The following EIF2AK3 variants were observed in gnomAD, a reference collection of about 807,000 sequenced individuals.
The protein encoded by EIF2AK3 is eukaryotic translation initiation factor 2-alpha kinase 3.
In EIF2AK3, 50 loss-of-function variants were observed where a neutral mutation model predicts 113.5. The observed-to-expected ratio is 0.44, with a 90% confidence interval of 0.35 to 0.56. The LOEUF is 0.56. Among genes scored for constraint, EIF2AK3 ranks in the 20% least tolerant of loss-of-function variants. EIF2AK3 has a pLI of 0.00. For missense variants in EIF2AK3, 1,185 were observed against 1,378.0 expected, an observed-to-expected ratio of 0.86 and a Z score of 2.22; for synonymous variants, 448 against 495.4, an observed-to-expected ratio of 0.90 and a Z score of 1.27.
chr2:88,557,464 A>G lies in EIF2AK3; in HGVS notation c.*272T>C, dbSNP rs1311088313. On this transcript the variant is annotated 3_prime_UTR_variant, in exon 17 of 17. Coordinates refer to ENST00000303236, the MANE Select transcript of EIF2AK3 (RefSeq NM_004836.7). ...AGGGATTGCTGCTACCTCCTTAGGC[A>G]AATGGTGAGGGCTATAAAGCTTGGC... The G allele has an allele frequency of 2.0e-6, 1 of 494,454 alleles. No homozygotes were observed. Among genetic ancestry groups the G allele is most frequent in the Admixed American group, 3.2e-5 (1 of 30,900 alleles). 30.6% of individuals were successfully genotyped at this position (494,454 alleles called of 1,614,324 possible).
At chr2:88,582,790 C>T (rs948784099) in intron 10 of EIF2AK3, among the ~76,000 whole-genome samples, 3 of 152,012 alleles carry the variant, frequency 2.0e-5, no homozygotes, top group African/African-American at 7.2e-5. Flanking sequence ...ACGTCTTTTC[C>T]TTGTCCCCAT....
Position 88,590,874 on chromosome 2 carries a change from C to G in EIF2AK3, c.946G>C (p.Asp316His), listed in dbSNP as rs1222983133. ...MDIVIKVSVA[D>H]WKVMAFSKKG... is the part of the protein sequence containing the mutation. ...TTACTGAATGCCATAACTTTCCAGT[C>G]AGCAACCGAAACCTTTATCACTATG... Residue 316 changes from aspartate to histidine, a missense_variant, in exon 5 of 17, where the codon GAC (aspartate) becomes CAC (histidine). Coordinates refer to ENST00000303236, the MANE Select transcript of EIF2AK3 (RefSeq NM_004836.7). 1 of 1,614,098 alleles carries G rather than the reference C, an allele frequency of 6.2e-7. No homozygotes were observed. Among genetic ancestry groups the G allele is most frequent in the East Asian group, 2.2e-5 (1 of 44,864 alleles).
intron 13 of EIF2AK3, 55 bp from the exon 14 acceptor site, chr2:88,571,096 TAA>T (rs1192224560): frequency 1.3e-6 from 2 of 1,569,030 alleles, no homozygotes; most frequent in Non-Finnish European, 8.8e-7. Flanking sequence ...GGCGAAAAAG[TAA>T]AGAGAATTAT....
chr2:88,623,224 G>A (rs1675775290), intron 1 of EIF2AK3, among the ~76,000 whole-genome samples: 1 of 152,162 alleles, frequency 6.6e-6, no homozygotes, highest in Non-Finnish European at 1.5e-5. Flanking sequence ...ATAAACATAT[G>A]TAAAATCTAA....
At chr2:88,587,938 C>T (rs1674779486) in intron 8 of EIF2AK3, 44 bp downstream of exon 8, 1 of 1,325,112 alleles carries the variant, frequency 7.5e-7, no homozygotes, top group African/African-American at 1.5e-5. Flanking sequence ...CTATTAATTT[C>T]AAATTAAAAA....
Position 88,595,457 on chromosome 2 carries a change from A to G in EIF2AK3, c.633+12T>C. 1 of 1,613,488 alleles carries G rather than the reference A, an allele frequency of 6.2e-7. No homozygotes were observed. The highest frequency in any genetic ancestry group is 1.1e-5 in the South Asian group (1 of 91,072). On this transcript the variant is annotated intron_variant, in intron 3 of 16. Transcript: ENST00000303236. ...CTGATTTCCCCAAAGTAAATTCAGCATTTTCACTTACCTTTCCACTATATG... is the reference window on the plus strand; with the variant it reads ...CTGATTTCCCCAAAGTAAATTCAGCGTTTTCACTTACCTTTCCACTATATG...
intron 15 of EIF2AK3, among the ~76,000 whole-genome samples, chr2:88,560,812 C>T (rs1344509709): frequency 6.7e-6 from 1 of 149,678 alleles, no homozygotes; most frequent in African/African-American, 2.5e-5. Context: ...AGATATGAGT[C>T]ATTTTGCTCT....
At chr2:88,594,623 C>A (rs1276468317) in intron 3 of EIF2AK3, among the ~76,000 whole-genome samples, 1 of 152,102 alleles carries the variant, frequency 6.6e-6, no homozygotes, top group Non-Finnish European at 1.5e-5. Context: ...AACAGCATGA[C>A]TTTGTTGTCA....
chr2:88,576,448 G>T, intron 12 of EIF2AK3, 106 bp downstream of exon 12: 2 of 1,491,496 alleles, frequency 1.3e-6, no homozygotes, highest in Non-Finnish European at 1.8e-6. Context: ...ACAGAACTCT[G>T]CTGTTCCTTT....
At chr2:88,587,464 T>C (rs1674765087) in intron 8 of EIF2AK3, among the ~76,000 whole-genome samples, 1 of 152,128 alleles carries the variant, frequency 6.6e-6, no homozygotes, top group African/African-American at 2.4e-5. Context: ...TCATGCCAAA[T>C]CTCACCTATT....
intron 15 of EIF2AK3, among the ~76,000 whole-genome samples, chr2:88,559,373 A>T (rs1453943436): frequency 6.6e-6 from 1 of 152,180 alleles, no homozygotes; most frequent in Admixed American, 6.5e-5. Flanking sequence ...ACTGTAATTT[A>T]CAGAAGATTT....
At position 88,614,688 on chromosome 2, in the gene EIF2AK3, C is replaced by T. The variant is rs1486068235; in HGVS notation, c.309-835G>A. On this transcript the variant is annotated intron_variant, in intron 1 of 16. Transcript: ENST00000303236. ...AACCTACAAGCCACTGATACTACAA[C>T]CTTCACTACCACCATGCCCTCACTT... is the stretch of plus-strand genomic sequence containing the variant. 3.3e-5 allele frequency among the ~76,000 whole-genome samples: 5 copies of T among 152,134 alleles called. 1 individual carries two copies. The highest frequency in any genetic ancestry group is 3.3e-4 in the Admixed American group (5 of 15,268).
Position 88,575,174 on chromosome 2 carries a change from TCA to T in EIF2AK3, c.2307_2308del (p.Cys769Ter). The T allele has an allele frequency of 6.2e-7, 1 of 1,613,646 alleles. No individual in the cohort carries two copies. ...GCCATCCATAGTCCCATCTTCCACA[TCA>T]CAGTCTGTAAGGCAACTGTCCTGGA... On this transcript the variant is annotated stop_gained and frameshift_variant, in exon 13 of 17. Coordinates refer to ENST00000303236, the MANE Select transcript of EIF2AK3 (RefSeq NM_004836.7). LOFTEE classifies it high-confidence loss of function.
At chr2:88,618,003 A>G (rs1487668228) in intron 1 of EIF2AK3, among the ~76,000 whole-genome samples, 1 of 152,106 alleles carries the variant, frequency 6.6e-6, no homozygotes, top group Non-Finnish European at 1.5e-5. Context: ...CAACATACTG[A>G]GACTCCAAAT....
chr2:88,618,651 A>C (rs573123403), intron 1 of EIF2AK3, among the ~76,000 whole-genome samples: 1 of 152,252 alleles, frequency 6.6e-6, no homozygotes, highest in African/African-American at 2.4e-5. Context: ...GTTTTACCTT[A>C]GTCATTTCCA....
intron 2 of EIF2AK3, among the ~76,000 whole-genome samples, chr2:88,602,160 T>C (rs1468517513): frequency 4.6e-5 from 7 of 152,112 alleles, no homozygotes; most frequent in African/African-American, 1.4e-4. Flanking sequence ...CTAGTTAGGA[T>C]TTTTCTATAA....
At chr2:88,598,817 G>T in intron 2 of EIF2AK3, among the ~76,000 whole-genome samples, 1 of 152,252 alleles carries the variant, frequency 6.6e-6, no homozygotes, top group South Asian at 2.1e-4. Flanking sequence ...TTATGTAAGA[G>T]AATATCTCTA....
intron 2 of EIF2AK3, among the ~76,000 whole-genome samples, chr2:88,598,926 T>C (rs573562204): frequency 1.9e-4 from 29 of 151,982 alleles, no homozygotes; most frequent in African/African-American, 6.8e-4. Flanking sequence ...TATGAGGGAA[T>C]GGGGGAGAAG....
intron 6 of EIF2AK3, among the ~76,000 whole-genome samples, chr2:88,590,219 G>A (rs1340811384): frequency 2.0e-5 from 3 of 152,112 alleles, no homozygotes; most frequent in Non-Finnish European, 4.4e-5. Context: ...TGGGCGACAA[G>A]AGTGAAACTC....
Sources: allele counts gnomAD v4.1 joint callset (sites outside exome capture counted in the v4.1 genomes callset), GRCh38; gene constraint gnomAD v4.1.1; transcripts MANE v1.5; gene names NCBI Gene and HGNC (gene_info 2026-07-23, HGNC 2026-07-21).